RADIL: variants seen among roughly 807,000 people sequenced by gnomAD.
RADIL encodes the protein Rap associating with DIL domain, also known as ras-associating and dilute domain-containing protein.
In RADIL, 99 loss-of-function variants were observed where a neutral mutation model predicts 97.6. The observed-to-expected ratio is 1.01, with a 90% CI of 0.86 to 1.20. The LOEUF is 1.20. Among genes scored for constraint, RADIL ranks in the 50% most tolerant of loss-of-function variants. RADIL has a pLI of 0.00. For missense variants in RADIL, 1,765 were observed against 1,498.9 expected (o/e 1.18, Z -2.93); for synonymous variants, 803 against 691.8 (o/e 1.16, Z -2.52).
intron 2 of RADIL, chr7:4,860,129 G>C: frequency 1.2e-6 from 2 of 1,614,004 alleles, no homozygotes; most frequent in Non-Finnish European, 1.7e-6. Context: ...TGTCATTACA[G>C]CCAAGGCAGG....
rs1202050719 is a variant in RADIL, at chr7:4,832,920, T to A, written c.1417-742A>T. On this transcript the variant is annotated intron_variant, in intron 4 of 14. Transcript: ENST00000399583. ...CAGGAAACAAACGCGCAAATGATAT[T>A]CGCATGGGATCTGGACAGCACCCAG... Among the ~76,000 whole-genome samples, 4 of 152,110 alleles carry A rather than the reference T, an allele frequency of 2.6e-5. No individual in the cohort carries two copies. The East Asian group carries it at 5.8e-4, about 22-fold the overall frequency.
intron 5 of RADIL, among the ~76,000 whole-genome samples, chr7:4,823,400 C>G (rs1434401295): frequency 6.7e-6 from 1 of 150,256 alleles, no homozygotes; most frequent in Non-Finnish European, 1.5e-5. Context: ...GAACTCCTAG[C>G]CTTAAGCAAT....
chr7:4,826,704 G>C (rs572797908), intron 5 of RADIL, among the ~76,000 whole-genome samples: 68 of 148,460 alleles, frequency 4.6e-4, no homozygotes, highest in Admixed American at 2.6e-3. Context: ...CTATACTCCA[G>C]CTTGGGCAAC....
intron 2 of RADIL, among the ~76,000 whole-genome samples, chr7:4,838,735 C>T (rs1004485420): frequency 2.0e-5 from 3 of 152,196 alleles, no homozygotes; most frequent in African/African-American, 2.4e-5. Flanking sequence ...CTCCTCTGGG[C>T]GGTGGGGCTG....
At position 4,840,494 on chromosome 7, in the gene RADIL, C is replaced by T. The variant is rs762991927; in HGVS notation, c.536-3889G>A. 3.9e-5 allele frequency among the ~76,000 whole-genome samples: 6 copies of T among 152,100 alleles called. No homozygotes were observed. Among genetic ancestry groups the T allele is most frequent in the African/African-American group, 9.7e-5 (4 of 41,418 alleles). Reference sequence around the variant, plus strand: ...GTGGAGTTGTCAAGGCCCTCAGACCCGGCAGCACACTGCTCAGGAAGGGTA... The same window carrying T: ...GTGGAGTTGTCAAGGCCCTCAGACCTGGCAGCACACTGCTCAGGAAGGGTA... On this transcript the variant is annotated intron_variant, in intron 2 of 14. Coordinates refer to ENST00000399583, the MANE Select transcript of RADIL (RefSeq NM_018059.5). This position sits in a 1 kb window ranked among gnomAD's most constrained non-coding sequence, Gnocchi z 5.6.
chr7:4,832,583 A>G (rs1268343485), intron 4 of RADIL, among the ~76,000 whole-genome samples: 2 of 152,036 alleles, frequency 1.3e-5, no homozygotes, highest in Admixed American at 6.6e-5. Flanking sequence ...TACTAAAAAT[A>G]CAAAAATTAG....
At chr7:4,861,095 G>A (rs1191463750) in intron 2 of RADIL, 1 of 1,614,166 alleles carries the variant, frequency 6.2e-7, no homozygotes, top group Non-Finnish European at 8.5e-7. Context: ...TAATATATTG[G>A]AATAGATATT....
At chr7:4,881,654 G>C (rs1784489888) in intron 1 of RADIL, among the ~76,000 whole-genome samples, 1 of 150,376 alleles carries the variant, frequency 6.6e-6, no homozygotes, top group African/African-American at 2.5e-5. Flanking sequence ...TTGAACCCCA[G>C]AGGCAGAGGT....
intron 2 of RADIL, among the ~76,000 whole-genome samples, chr7:4,855,170 A>C (rs1265190740): frequency 2.6e-5 from 4 of 152,168 alleles, no homozygotes. Flanking sequence ...CCATTCCCTC[A>C]TTGATGGATA....
At chr7:4,871,933 T>C (rs973236031) in intron 2 of RADIL, among the ~76,000 whole-genome samples, 3 of 151,990 alleles carry the variant, frequency 2.0e-5, no homozygotes, top group African/African-American at 7.3e-5. Context: ...CTCTCTAGGG[T>C]GCCTCTTTAC....
chr7:4,806,433 C>T (rs956494419), intron 9 of RADIL, among the ~76,000 whole-genome samples: 4 of 152,170 alleles, frequency 2.6e-5, no homozygotes, highest in Non-Finnish European at 4.4e-5. Flanking sequence ...GCAATCCTCC[C>T]GCCTCAGCCT....
chr7:4,881,916 C>G (rs937263725), intron 1 of RADIL, among the ~76,000 whole-genome samples: 1 of 152,090 alleles, frequency 6.6e-6, no homozygotes, highest in Non-Finnish European at 1.5e-5. Context: ...GTCTTAGAAG[C>G]TTGAACTTCA....
At chr7:4,801,066 G>GCCCATGCACACGTGCACTTACA (rs1415345934) in intron 12 of RADIL, among the ~76,000 whole-genome samples, 1 of 152,136 alleles carries the variant, frequency 6.6e-6, no homozygotes, top group East Asian at 1.9e-4. Flanking sequence ...GTGCAAGCAT[G>GCCCATGCACACGTGCACTTACA]CCCATGCACA....
At position 4,834,982 on chromosome 7, in the gene RADIL, C is replaced by G. The variant is rs756868749; in HGVS notation, c.1041G>C (p.Leu347=). 1.9e-6 allele frequency: 3 copies of G among 1,611,072 alleles called. No homozygotes were observed. The highest frequency in any genetic ancestry group is 2.5e-6 in the Non-Finnish European group (3 of 1,179,222). Residue 347 remains leucine (L), a synonymous_variant, in exon 4 of 15, where the codon CTG becomes CTC. Transcript: ENST00000399583. The surrounding 1 kb of genome is among the most constrained non-coding windows in gnomAD (Gnocchi z 6.0). ...TGAATAGCAGCAGGTAGTAGAGCCC[C>G]AGGGAGAGCAGGTCCCCGTGGTGCA... ...VVLHHGDLLS[L]GLYYLLLFKD... is the part of the protein sequence containing the mutation.
rs1048245709 is a variant in RADIL, at chr7:4,883,279, G to A, written c.-65+317C>T. On this transcript the variant is annotated intron_variant, in intron 1 of 14. Transcript: ENST00000399583. This position sits in a 1 kb window ranked among gnomAD's most constrained non-coding sequence, Gnocchi z 7.1. ...GAGAGTCCCCTGGAGTTGGGGGTCC[G>A]GGGCCCACGCGGACAGCCAGGCTCA... 6.6e-6 allele frequency among the ~76,000 whole-genome samples: 1 copy of A among 151,440 alleles called. No individual in the cohort carries two copies. Among genetic ancestry groups the A allele is most frequent in the South Asian group, 2.1e-4 (1 of 4,822 alleles).
At chr7:4,838,443 G>A (rs1783358597) in intron 2 of RADIL, among the ~76,000 whole-genome samples, 1 of 152,176 alleles carries the variant, frequency 6.6e-6, no homozygotes, top group Non-Finnish European at 1.5e-5. Flanking sequence ...AGAGTCCCAG[G>A]GGCTCCCAGA....
Position 4,878,168 on chromosome 7 carries a change from G to T in RADIL, c.-29C>A. On this transcript the variant is annotated 5_prime_UTR_variant, in exon 2 of 15. Transcript: ENST00000399583. The surrounding 1 kb of genome is among the most constrained non-coding windows in gnomAD (Gnocchi z 4.1). ...GGGTGAGGCTTCATGGATGAGGACT[G>T]TGGGCTTCAGCCAAAGGATGTGGGG... is the stretch of plus-strand genomic sequence containing the variant. The T allele has an allele frequency of 6.7e-7, 1 of 1,498,140 alleles. No individual in the cohort carries two copies. The highest frequency in any genetic ancestry group is 8.9e-7 in the Non-Finnish European group (1 of 1,124,068). The allele number at this position is 1,498,140 out of a possible 1,614,324, so 92.8% of individuals were successfully genotyped here. A position where few individuals can be genotyped will look rare whatever the true frequency, so the allele number is the denominator to read the frequency against.
Position 4,861,740 on chromosome 7 carries a change from G to A in RADIL, c.535+15865C>T, listed in dbSNP as rs1214839673. The A allele has an allele frequency of 6.6e-6, 10 of 1,515,100 alleles. No homozygotes were observed. The highest frequency in any genetic ancestry group is 1.3e-5 in the South Asian group (1 of 74,636). 93.9% of individuals were successfully genotyped at this position (1,515,100 alleles called of 1,614,324 possible). On this transcript the variant is annotated intron_variant, in intron 2 of 14. Transcript: ENST00000399583. ...GGGGACCGCTAGACTGATAGGCGAG[G>A]AGACGCCGTAGCGATTCGGCGGCGG... is the stretch of plus-strand genomic sequence containing the variant.
chr7:4,841,224 C>T (rs375194866), intron 2 of RADIL, among the ~76,000 whole-genome samples: 16 of 152,080 alleles, frequency 1.1e-4, no homozygotes, highest in South Asian at 4.1e-4. Context: ...GTGGCCCCAA[C>T]GCCCTCGTCT....
Sources: gnomAD v4.1 joint callset for allele counts (sites outside exome capture counted in the v4.1 genomes callset) on GRCh38, gnomAD v4.1.1 for gene constraint, Gnocchi (gnomAD v3.1) non-coding constraint, MANE v1.5 for transcripts, NCBI Gene and HGNC (gene_info 2026-07-23, HGNC 2026-07-21) for gene names.